BBS1: variants seen among roughly 807,000 people sequenced by gnomAD.
BBS1 encodes BBSome complex member BBS1.
Under a neutral mutation model 73.9 loss-of-function variants are expected in BBS1, and 60 were observed. The ratio of observed to expected loss-of-function variants is 0.81; its 90% CI spans 0.66 to 1.01. The LOEUF is 1.01. Among genes scored for constraint, BBS1 ranks in the 50% least tolerant of loss-of-function variants. The pLI is 0.00. For synonymous variants in BBS1, 283 were observed against 317.4 expected, an observed-to-expected ratio of 0.89 and a Z score of 1.15; for missense variants, 718 against 770.3, an observed-to-expected ratio of 0.93 and a Z score of 0.80.
chr11:66,526,748 T>G lies in BBS1; in HGVS notation c.1280T>G (p.Val427Gly), dbSNP rs1260149095. Reference protein sequence around the residue: ...PPPAQAMKLNVPRKTRLYVDQ... With the variant: ...PPPAQAMKLNGPRKTRLYVDQ... Reference sequence around the variant, plus strand: ...CCAGCCCAGGCCATGAAACTCAATGTGCCCCGAAAGACCCGGCTTTACGTG... The same window carrying G: ...CCAGCCCAGGCCATGAAACTCAATGGGCCCCGAAAGACCCGGCTTTACGTG... Residue 427 changes from valine to glycine, a missense_variant, in exon 13 of 17, where the codon GTG becomes GGG. Transcript: ENST00000318312. The G allele has an allele frequency of 6.2e-7, 1 of 1,614,214 alleles. No individual in the cohort carries two copies. Among genetic ancestry groups the G allele is most frequent in the East Asian group, 2.2e-5 (1 of 44,882 alleles).
intron 1 of BBS1, 153 bp from the exon 2 acceptor site, chr11:66,510,860 T>A (rs1855925530): frequency 2.9e-6 from 4 of 1,365,490 alleles, no homozygotes; most frequent in Non-Finnish European, 4.2e-6. Context: ...CATATGTGTG[T>A]CTGGAGGTCG....
chr11:66,530,801 T>C (rs1334966627), intron 14 of BBS1, 93 bp from the exon 15 acceptor site: 1 of 1,550,088 alleles, frequency 6.5e-7, no homozygotes, highest in Admixed American at 1.7e-5. Flanking sequence ...GGAGGGGACA[T>C]GAGGGCATTG....
intron 14 of BBS1, among the ~76,000 whole-genome samples, chr11:66,530,413 A>G (rs1193422548): frequency 6.6e-6 from 1 of 152,046 alleles, no homozygotes; most frequent in Non-Finnish European, 1.5e-5. Flanking sequence ...CAAGGCTCAG[A>G]CGCAAATGAG....
chr11:66,510,919 C>T (rs1855927503), intron 1 of BBS1, 94 bp from the exon 2 acceptor site: 3 of 1,463,800 alleles, frequency 2.0e-6, no homozygotes, highest in Non-Finnish European at 1.9e-6. Flanking sequence ...ACGTTCTGTA[C>T]CTTATGTTCA....
At chr11:66,530,605 T>G (rs1856734588) in intron 14 of BBS1, among the ~76,000 whole-genome samples, 1 of 149,098 alleles carries the variant, frequency 6.7e-6, no homozygotes, top group African/African-American at 2.5e-5. Context: ...AGGATGAGAG[T>G]GGGAGGTGGA....
Position 66,530,876 on chromosome 11 carries a change from C to T in BBS1, c.1474-18C>T, listed in dbSNP as rs2134836485. 6.2e-7 allele frequency: 1 copy of T among 1,614,116 alleles called. No individual in the cohort carries two copies. Among genetic ancestry groups the T allele is most frequent in the Admixed American group, 1.7e-5 (1 of 60,024 alleles). ...GCTGCCAGGTCCTAAGGGCTTTCTC[C>T]ACCCACCCTCTCCATAGGTTCAGGG... On this transcript the variant is annotated intron_variant, in intron 14 of 16. Coordinates refer to ENST00000318312, the MANE Select transcript of BBS1 (RefSeq NM_024649.5).
At position 66,532,290 on chromosome 11, in the gene BBS1, C is replaced by T. The variant is rs1856819568; in HGVS notation, c.*253C>T. On this transcript the variant is annotated 3_prime_UTR_variant, in exon 17 of 17. Coordinates refer to ENST00000318312, the MANE Select transcript of BBS1 (RefSeq NM_024649.5). ...CTGAAGTCCTACTACGCCCTCCCCT[C>T]CCCAGCCTTTTCCAGAAACCATACT... The T allele has an allele frequency of 2.2e-5, 12 of 551,642 alleles. No individual in the cohort carries two copies. The highest frequency in any genetic ancestry group is 6.5e-5 in the South Asian group (3 of 46,494). The allele number at this position is 551,642 out of a possible 1,614,324, so 34.2% of individuals were successfully genotyped here. A position where few individuals can be genotyped will look rare whatever the true frequency, so the allele number is the denominator to read the frequency against.
At chr11:66,525,948 G>A (rs1856469673) in intron 11 of BBS1, among the ~76,000 whole-genome samples, 175 bp from the exon 12 acceptor site, 1 of 152,214 alleles carries the variant, frequency 6.6e-6, no homozygotes, top group Non-Finnish European at 1.5e-5. Flanking sequence ...CTGGAACTGA[G>A]GTAGTGAGAT....
rs1856835032 is a variant in BBS1, at chr11:66,532,677, G to C, written c.*640G>C. 1 of 153,132 alleles carries C rather than the reference G, an allele frequency of 6.5e-6. No individual in the cohort carries two copies. The highest frequency in any genetic ancestry group is 2.4e-5 in the African/African-American group (1 of 41,470). 9.5% of individuals were successfully genotyped at this position (153,132 alleles called of 1,614,324 possible). A position where few individuals can be genotyped will look rare whatever the true frequency, so the allele number is the denominator to read the frequency against. On this transcript the variant is annotated 3_prime_UTR_variant, in exon 17 of 17. Coordinates refer to ENST00000318312, the MANE Select transcript of BBS1 (RefSeq NM_024649.5). ...ACGATGCCACACAAAGGTTGTTCAGGGAGAAGGGGGTGCAGGAGGCAGAGG... is the reference window on the plus strand; with the variant it reads ...ACGATGCCACACAAAGGTTGTTCAGCGAGAAGGGGGTGCAGGAGGCAGAGG...
intron 7 of BBS1, among the ~76,000 whole-genome samples, chr11:66,518,010 T>G (rs974657529): frequency 6.6e-6 from 1 of 150,468 alleles, no homozygotes; most frequent in Non-Finnish European, 1.5e-5. Context: ...CAGGCTGGAG[T>G]GCAATGGCGC....
chr11:66,520,044 T>G (rs1856155600), intron 8 of BBS1, among the ~76,000 whole-genome samples: 2 of 152,154 alleles, frequency 1.3e-5, no homozygotes. Flanking sequence ...CCTCTAACCC[T>G]AGTGCTTTGG....
chr11:66,524,545 A>G (rs773728707), intron 11 of BBS1, among the ~76,000 whole-genome samples: 24 of 152,218 alleles, frequency 1.6e-4, no homozygotes, highest in Non-Finnish European at 2.5e-4. Flanking sequence ...TGACAGTTCA[A>G]CTGGGCCTCA....
In BBS1 at chr11:66,532,387, C is replaced by T. The variant is rs1003090117; in HGVS notation, c.*350C>T. Reference sequence around the variant, plus strand: ...CAGGCCCAGCCTTTCTCCACTGCCACGTCCCTCATGCACATCACTCATCTC... The same window carrying T: ...CAGGCCCAGCCTTTCTCCACTGCCATGTCCCTCATGCACATCACTCATCTC... On this transcript the variant is annotated 3_prime_UTR_variant, in exon 17 of 17. Transcript: ENST00000318312. 4.4e-5 allele frequency: 13 copies of T among 295,444 alleles called. 1 individual carries two copies. The South Asian group carries it at 5.3e-4, about 12-fold the overall frequency. The allele number at this position is 295,444 out of a possible 1,614,324, so 18.3% of individuals were successfully genotyped here. A position where few individuals can be genotyped will look rare whatever the true frequency, so the allele number is the denominator to read the frequency against.
intron 7 of BBS1, among the ~76,000 whole-genome samples, chr11:66,516,298 G>A (rs1856049127): frequency 6.6e-6 from 1 of 151,690 alleles, no homozygotes; most frequent in South Asian, 2.1e-4. Context: ...GCTAATTTTT[G>A]TATTTTTAGT....
In BBS1 at chr11:66,523,526, G is replaced by A. The variant is rs1037134217; in HGVS notation, c.901G>A (p.Val301Ile). 8 of 1,613,978 alleles carry A rather than the reference G, an allele frequency of 5.0e-6. No individual in the cohort carries two copies. The African/African-American group carries it at 9.3e-5, about 19-fold the overall frequency. ...QPVGLIRVHK[V>I]LVVGSTQDSL... is the part of the protein sequence containing the mutation. ...TGTGGGACTTATCCGGGTACACAAG[G>A]TCCTAGTGGTGGGCAGCACCCAAGA... Residue 301 changes from valine (V) to isoleucine (I), a missense_variant, in exon 10 of 17, where the codon GTC (valine) becomes ATC (isoleucine). Coordinates refer to ENST00000318312, the MANE Select transcript of BBS1 (RefSeq NM_024649.5).
Position 66,531,018 on chromosome 11 carries a change from C to A in BBS1, c.1598C>A (p.Ala533Asp). 6.2e-7 allele frequency: 1 copy of A among 1,614,206 alleles called. No homozygotes were observed. Among genetic ancestry groups the A allele is most frequent in the Non-Finnish European group, 8.5e-7 (1 of 1,180,034 alleles). Residue 533 changes from alanine to aspartate, a missense_variant, in exon 15 of 17, where the codon GCC (alanine) becomes GAC (aspartate). Transcript: ENST00000318312. ...GAGGCGCTCTATTCCCTGCCCCGGG[C>A]CTTCTTCAAGGTACTGGATGCTCCT... is the stretch of plus-strand genomic sequence containing the variant. ...YNEALYSLPR[A>D]FFKVPLLVPG...
At chr11:66,524,503 G>T (rs929188888) in intron 11 of BBS1, among the ~76,000 whole-genome samples, 2 of 152,114 alleles carry the variant, frequency 1.3e-5, no homozygotes, top group East Asian at 1.9e-4. Flanking sequence ...GATAAATGGG[G>T]ATGGACTCCA....
intron 4 of BBS1, 43 bp from the exon 5 acceptor site, chr11:66,515,497 T>C: frequency 1.2e-6 from 2 of 1,611,480 alleles, no homozygotes; most frequent in Non-Finnish European, 1.7e-6. Flanking sequence ...TTGGGTTTCC[T>C]GCCTGGCTTG....
chr11:66,524,832 T>C (rs1014752583), intron 11 of BBS1, among the ~76,000 whole-genome samples: 2 of 152,108 alleles, frequency 1.3e-5, no homozygotes, highest in South Asian at 2.1e-4. Context: ...TTTGGAAGGC[T>C]GAGGCAGGCG....
Sources: gnomAD v4.1 joint callset for allele counts (sites outside exome capture counted in the v4.1 genomes callset) on GRCh38, gnomAD v4.1.1 for gene constraint, MANE v1.5 for transcripts, NCBI Gene and HGNC (gene_info 2026-07-23, HGNC 2026-07-21) for gene names.